Variants in NXPE2 observed in about 807,000 individuals in gnomAD.
The protein encoded by NXPE2 is NXPE family member 2.
In NXPE2, 34 loss-of-function variants were observed where a neutral mutation model predicts 34.4. The ratio of observed to expected loss-of-function variants is 0.99; its 90% CI spans 0.75 to 1.31. The LOEUF (loss-of-function observed/expected upper bound fraction) is 1.31. NXPE2 is among the 40% of genes most tolerant of loss of function. The probability of loss-of-function intolerance (pLI) is 0.00; values close to 1 mark genes in which losing one functional copy is unlikely to be tolerated. For synonymous variants in NXPE2, 235 were observed against 231.3 expected (o/e 1.02, Z -0.15); for missense variants, 649 against 672.5 (o/e 0.97, Z 0.39).
At chr11:114,632,769 TA>T in the NXPE2 span, among the ~76,000 whole-genome samples, 10 of 2,906 alleles carry the variant, frequency 3.4e-3, no homozygotes, top group African/African-American at 0.015. Flanking sequence ...ATATATTATA[TA>T]ATTATATATT....
At chr11:114,521,188 C>T in the NXPE2 span, among the ~76,000 whole-genome samples, 2 of 152,166 alleles carry the variant, frequency 1.3e-5, no homozygotes, top group South Asian at 4.1e-4. Context: ...GATAAATGTT[C>T]ATATATTTCC....
the NXPE2 span, chr11:114,553,944 G>A: frequency 3.0e-6 from 3 of 985,416 alleles, no homozygotes; most frequent in Non-Finnish European, 3.6e-6. Flanking sequence ...TTCTGGGAGA[G>A]CAGGTTTGTC....
At chr11:114,581,787 C>T in the NXPE2 span, 7 of 1,602,682 alleles carry the variant, frequency 4.4e-6, no homozygotes, top group Non-Finnish European at 6.0e-6. Context: ...CACATTTGAC[C>T]TTAAAGACAC....
At chr11:114,488,898 C>T in the NXPE2 span, among the ~76,000 whole-genome samples, 1 of 151,860 alleles carries the variant, frequency 6.6e-6, no homozygotes, top group Non-Finnish European at 1.5e-5. Flanking sequence ...AAAAACCCTT[C>T]AAAAAATCAA....
At chr11:114,754,328 T>G in the NXPE2 span, among the ~76,000 whole-genome samples, 1 of 151,960 alleles carries the variant, frequency 6.6e-6, no homozygotes, top group Admixed American at 6.6e-5. Flanking sequence ...GTTCCCTGCC[T>G]CTCCCAGACC....
chr11:114,797,128 G>C, the NXPE2 span, among the ~76,000 whole-genome samples: 404 of 152,210 alleles, frequency 2.7e-3, 1 homozygote, highest in Non-Finnish European at 3.7e-3. Flanking sequence ...CATGACTCAC[G>C]GTGTATTAAA....
chr11:114,560,748 T>C, the NXPE2 span, among the ~76,000 whole-genome samples: 5 of 152,204 alleles, frequency 3.3e-5, no homozygotes, highest in Non-Finnish European at 7.3e-5. Context: ...AAAGGGAATA[T>C]ATGGGTGTAT....
At chr11:114,497,421 G>C in the NXPE2 span, among the ~76,000 whole-genome samples, 5 of 152,120 alleles carry the variant, frequency 3.3e-5, no homozygotes, top group Non-Finnish European at 7.3e-5. Context: ...AGTCCTGCAA[G>C]CTCCATTTAT....
the NXPE2 span, among the ~76,000 whole-genome samples, chr11:114,653,926 C>G: frequency 6.6e-6 from 1 of 152,022 alleles, no homozygotes; most frequent in Admixed American, 6.6e-5. Context: ...AGAGGAAGTT[C>G]CCATGATGTC....
chr11:114,550,562 C>A, the NXPE2 span, among the ~76,000 whole-genome samples: 1 of 152,028 alleles, frequency 6.6e-6, no homozygotes, highest in Non-Finnish European at 1.5e-5. Flanking sequence ...TATCTTTCAA[C>A]AGCGTAAATT....
the NXPE2 span, among the ~76,000 whole-genome samples, chr11:114,489,805 G>A: frequency 2.6e-5 from 4 of 152,158 alleles, no homozygotes; most frequent in African/African-American, 9.7e-5. Flanking sequence ...CACAAGACAC[G>A]GATGCCCTCT....
At chr11:114,607,973 C>A in the NXPE2 span, among the ~76,000 whole-genome samples, 1 of 151,682 alleles carries the variant, frequency 6.6e-6, no homozygotes, top group East Asian at 1.9e-4. Flanking sequence ...TAAGTGTTGC[C>A]TCGTGAGTCA....
At chr11:114,625,819 C>A in the NXPE2 span, among the ~76,000 whole-genome samples, 9 of 152,082 alleles carry the variant, frequency 5.9e-5, no homozygotes, top group Admixed American at 5.9e-4. Context: ...TGGGTGAGCA[C>A]ACCACGTGCA....
the NXPE2 span, among the ~76,000 whole-genome samples, chr11:114,744,412 A>G: frequency 3.7e-4 from 56 of 152,224 alleles, no homozygotes; most frequent in Non-Finnish European, 4.4e-5. Flanking sequence ...CAGTTTAACA[A>G]CATAAGGAAT....
the NXPE2 span, among the ~76,000 whole-genome samples, chr11:114,633,853 C>G: frequency 6.6e-6 from 1 of 152,028 alleles, no homozygotes; most frequent in African/African-American, 2.4e-5. Flanking sequence ...TTATCTTAAT[C>G]CAGTCTATCA....
chr11:114,655,275 G>A, the NXPE2 span, among the ~76,000 whole-genome samples: 3 of 152,136 alleles, frequency 2.0e-5, no homozygotes, highest in Admixed American at 6.5e-5. Flanking sequence ...TCTGTAGGTT[G>A]CTTGTTCACT....
chr11:114,748,661 C>A, the NXPE2 span, among the ~76,000 whole-genome samples: 1 of 152,164 alleles, frequency 6.6e-6, no homozygotes, highest in South Asian at 2.1e-4. Flanking sequence ...CATAAGCGAT[C>A]CTGTGTTCTT....
the NXPE2 span, among the ~76,000 whole-genome samples, chr11:114,631,284 CAAT>C: frequency 2.6e-5 from 4 of 151,642 alleles, no homozygotes; most frequent in Non-Finnish European, 5.9e-5. Flanking sequence ...AAATGTCCAA[CAAT>C]GATAGACTGG....
chr11:114,515,738 T>TACTGGTATTTCATA, the NXPE2 span, among the ~76,000 whole-genome samples: 1 of 108,806 alleles, frequency 9.2e-6, no homozygotes. Flanking sequence ...AGGCTGTGGT[T>TACTGGTATTTCATA]AGAAAGTAAG....
Sources: gnomAD v4.1 joint callset for allele counts (sites outside exome capture counted in the v4.1 genomes callset) on GRCh38, gnomAD v4.1.1 for gene constraint, MANE v1.5 for transcripts, NCBI Gene and HGNC (gene_info 2026-07-23, HGNC 2026-07-21) for gene names.